The following AMMECR1 variants were observed in gnomAD, a reference collection of about 807,000 sequenced individuals.
AMMECR1 encodes the protein nuclear protein AMMECR1.
A neutral mutation model predicts 22.5 loss-of-function variants in AMMECR1; 3 were observed. The observed-to-expected ratio is 0.13, with a 90% CI of 0.06 to 0.35. The LOEUF (loss-of-function observed/expected upper bound fraction) is 0.35, where lower values mean the gene tolerates loss of function less well. Ranked by LOEUF, AMMECR1 falls within the 10% of genes least tolerant of loss-of-function variation. The pLI is 1.00. For synonymous variants in AMMECR1, 130 were observed against 116.7 expected (o/e 1.11, Z -0.74); for missense variants, 235 against 278.7 (o/e 0.84, Z 1.12).
intron 1 of AMMECR1, among the ~76,000 whole-genome samples, chrX:110,297,589 T>C (rs1198870454): frequency 3.6e-5 from 4 of 111,618 alleles, no homozygotes; most frequent in Non-Finnish European, 1.9e-5. Context: ...CTTTTTTTTT[T>C]AACCGAAAAT....
intron 2 of AMMECR1, among the ~76,000 whole-genome samples, chrX:110,399,304 T>G (rs1273409968): frequency 8.9e-6 from 1 of 112,179 alleles, no homozygotes; most frequent in African/African-American, 3.2e-5. Flanking sequence ...TCAGTGAATT[T>G]TAAAAACTTA....
intron 2 of AMMECR1, among the ~76,000 whole-genome samples, chrX:110,260,491 C>A (rs2067734849): frequency 9.1e-6 from 1 of 110,383 alleles, no homozygotes; most frequent in African/African-American, 3.3e-5. Context: ...TTTGAACATA[C>A]AACTTGACTA....
intron 2 of AMMECR1, among the ~76,000 whole-genome samples, chrX:110,419,643 C>G (rs898657402): frequency 3.6e-5 from 4 of 112,024 alleles, no homozygotes; most frequent in East Asian, 5.6e-4. Flanking sequence ...GCAAAACCAT[C>G]TGGAAAATAT....
intron 2 of AMMECR1, among the ~76,000 whole-genome samples, chrX:110,403,693 C>A (rs140663280): frequency 8.9e-6 from 1 of 111,906 alleles, no homozygotes; most frequent in Non-Finnish European, 1.9e-5. Context: ...AGCCTTTGTA[C>A]GTTTATGACA....
At position 110,196,160 on chromosome X, in the gene AMMECR1, TA is replaced by T. The variant is rs1198758131; in HGVS notation, c.*2359del. The stretch of plus-strand genomic sequence containing the variant: ...CCTGCTCAAGATTGATTAGCACCGT[TA>T]AATAAACACACATATATGTATGTAT... On this transcript the variant is annotated 3_prime_UTR_variant, in exon 6 of 6. Transcript: ENST00000262844. The T allele has an allele frequency of 3.6e-5, 4 of 110,405 alleles. No individual in the cohort carries two copies. Among genetic ancestry groups the T allele is most frequent in the African/African-American group, 1.4e-4 (4 of 29,539 alleles). The allele number at this position is 110,405 out of a possible 1,213,427, so 9.1% of individuals were successfully genotyped here.
At chrX:110,390,892 G>C (rs774978994) in intron 2 of AMMECR1, among the ~76,000 whole-genome samples, 2 of 111,396 alleles carry the variant, frequency 1.8e-5, no homozygotes, top group Non-Finnish European at 3.8e-5. Flanking sequence ...ATTTATTCTT[G>C]AACCAGCTTC....
chrX:110,305,138 A>G (rs937077165), intron 1 of AMMECR1, among the ~76,000 whole-genome samples: 4 of 112,144 alleles, frequency 3.6e-5, no homozygotes, highest in Non-Finnish European at 7.5e-5. Context: ...GTTTATGCCT[A>G]TTTTATAGAT....
intron 3 of AMMECR1, among the ~76,000 whole-genome samples, chrX:110,214,641 TCC>T (rs2067464097): frequency 1.8e-5 from 2 of 111,972 alleles, no homozygotes; most frequent in South Asian, 7.5e-4. Flanking sequence ...TGTTGTATTC[TCC>T]CCTTTTTCCT....
At chrX:110,385,095 A>C (rs2068445868) in intron 2 of AMMECR1, among the ~76,000 whole-genome samples, 1 of 111,188 alleles carries the variant, frequency 9.0e-6, no homozygotes, top group Non-Finnish European at 1.9e-5. Flanking sequence ...AACATTCTAG[A>C]TCCAGATGGC....
chrX:110,298,551 G>C (rs181363346), intron 1 of AMMECR1, among the ~76,000 whole-genome samples: 1 of 111,014 alleles, frequency 9.0e-6, no homozygotes, highest in African/African-American at 3.3e-5. Flanking sequence ...TAAGCGAAAA[G>C]AAAGAACACA....
At chrX:110,266,680 C>T (rs1327931012) in intron 1 of AMMECR1, among the ~76,000 whole-genome samples, 4 of 109,325 alleles carry the variant, frequency 3.7e-5, no homozygotes, top group Non-Finnish European at 5.7e-5. Flanking sequence ...CGTGCCCAGC[C>T]TGTCTCTTTT....
chrX:110,277,939 C>T (rs2067834332), intron 1 of AMMECR1, among the ~76,000 whole-genome samples: 1 of 112,032 alleles, frequency 8.9e-6, no homozygotes, highest in Non-Finnish European at 1.9e-5. Flanking sequence ...TTCATAACTC[C>T]TAAAAGATCT....
chrX:110,425,876 C>T (rs1387999462), intron 2 of AMMECR1, among the ~76,000 whole-genome samples: 1 of 112,506 alleles, frequency 8.9e-6, no homozygotes, highest in Non-Finnish European at 1.9e-5. Flanking sequence ...AATGAATAGA[C>T]AAATGTATTC....
chrX:110,320,778 G>A (rs771669086), upstream of AMMECR1, among the ~76,000 whole-genome samples: 1 of 112,365 alleles, frequency 8.9e-6, no homozygotes, highest in East Asian at 2.8e-4. Context: ...AACCTCACTA[G>A]CATAAAGAAA....
At chrX:110,333,467 A>C (rs113805382) in intron 2 of AMMECR1, among the ~76,000 whole-genome samples, 3 of 111,604 alleles carry the variant, frequency 2.7e-5, no homozygotes, top group African/African-American at 9.8e-5. Flanking sequence ...TTGACCCAGC[A>C]ATCCCATTAC....
At chrX:110,364,644 GA>G in intron 2 of AMMECR1, among the ~76,000 whole-genome samples, 1 of 111,629 alleles carries the variant, frequency 9.0e-6, no homozygotes, top group Non-Finnish European at 1.9e-5. Context: ...GGCTAAAATG[GA>G]AAAAATTGAG....
intron 2 of AMMECR1, among the ~76,000 whole-genome samples, chrX:110,371,166 G>A (rs1218511820): frequency 9.0e-6 from 1 of 110,773 alleles, no homozygotes; most frequent in Non-Finnish European, 1.9e-5. Context: ...GAGAGTTCCC[G>A]TTAGCCCCTA....
chrX:110,299,349 A>C (rs1010918133), intron 1 of AMMECR1, among the ~76,000 whole-genome samples: 1 of 111,823 alleles, frequency 8.9e-6, no homozygotes, highest in African/African-American at 3.2e-5. Context: ...CTGCCGTAAA[A>C]CATTTCATGA....
intron 1 of AMMECR1, among the ~76,000 whole-genome samples, chrX:110,302,981 A>C (rs143041699): frequency 1.8e-5 from 2 of 112,033 alleles, no homozygotes; most frequent in African/African-American, 6.5e-5. Context: ...ATTGAAGTAA[A>C]AAGTGTTTAA....
Sources: gnomAD v4.1 joint callset for allele counts (sites outside exome capture counted in the v4.1 genomes callset) on GRCh38, gnomAD v4.1.1 for gene constraint, MANE v1.5 for transcripts, NCBI Gene and HGNC (gene_info 2026-07-23, HGNC 2026-07-21) for gene names.